The following PRUNE2 variants were observed in gnomAD, a reference collection of about 807,000 sequenced individuals.
PRUNE2 encodes protein prune homolog 2.
Under a neutral mutation model 252.0 loss-of-function variants are expected in PRUNE2, and 164 were observed. That is an observed-to-expected ratio of 0.65 (90% CI 0.57 to 0.74). The LOEUF is 0.74. Ranked by LOEUF, PRUNE2 falls within the 30% of genes least tolerant of loss-of-function variation. The pLI is 0.00. For missense variants in PRUNE2, 3,495 were observed against 3,711.0 expected, an observed-to-expected ratio of 0.94 and a Z score of 1.51; for synonymous variants, 1,292 against 1,350.2, an observed-to-expected ratio of 0.96 and a Z score of 0.94.
At chr9:76,654,915 A>G (rs1007364974) in intron 10 of PRUNE2, among the ~76,000 whole-genome samples, 2 of 152,184 alleles carry the variant, frequency 1.3e-5, no homozygotes, top group Admixed American at 6.5e-5. Context: ...ACCCTGGAAT[A>G]CAGTGAGAGT....
chr9:76,627,921 C>A, intron 16 of PRUNE2: 1 of 339,174 alleles, frequency 2.9e-6, no homozygotes, highest in Non-Finnish European at 5.9e-6. Context: ...ACACACATTA[C>A]ATGAGAATTC....
At chr9:76,694,413 C>T (rs1355660432) in intron 9 of PRUNE2, among the ~76,000 whole-genome samples, 1 of 152,146 alleles carries the variant, frequency 6.6e-6, no homozygotes, top group Non-Finnish European at 1.5e-5. Flanking sequence ...GAACTCCTGG[C>T]CTCAGGTGAT....
intron 9 of PRUNE2, chr9:76,692,115 G>A (rs1317852915): frequency 2.8e-6 from 2 of 717,480 alleles, no homozygotes; most frequent in East Asian, 2.7e-5. Context: ...AGGGTGAGAA[G>A]GATGCACGAC....
chr9:76,783,159 C>T (rs1418946972), intron 6 of PRUNE2, among the ~76,000 whole-genome samples: 1 of 152,082 alleles, frequency 6.6e-6, no homozygotes, highest in Non-Finnish European at 1.5e-5. Context: ...TTTTTGGAAA[C>T]AGAGTTCCAC....
chr9:76,702,057 T>C (rs1029256144), intron 9 of PRUNE2, among the ~76,000 whole-genome samples: 4 of 151,900 alleles, frequency 2.6e-5, no homozygotes, highest in African/African-American at 4.8e-5. Flanking sequence ...AATATATCTT[T>C]TCTCGCTTTT....
At chr9:76,675,756 TC>T in intron 9 of PRUNE2, among the ~76,000 whole-genome samples, 1 of 125,362 alleles carries the variant, frequency 8.0e-6, no homozygotes, top group Non-Finnish European at 1.7e-5. Context: ...TGAGTTCATG[TC>T]CTTTGCAGGG....
chr9:76,799,288 C>T (rs2056369644), intron 6 of PRUNE2, among the ~76,000 whole-genome samples: 1 of 150,272 alleles, frequency 6.7e-6, no homozygotes, highest in Admixed American at 6.6e-5. Flanking sequence ...TTGCAGTGGG[C>T]CAAAATGGCA....
At position 76,709,492 on chromosome 9, in the gene PRUNE2, T is replaced by C. The variant is rs41289953; in HGVS notation, c.2782A>G (p.Lys928Glu). 70,325 of 1,613,896 alleles carry C rather than the reference T, an allele frequency of 0.044. 1,852 individuals are homozygous for C. Among genetic ancestry groups the C allele is most frequent in the Middle Eastern group, 0.052 (314 of 6,062 alleles). Residue 928 changes from lysine (K) to glutamate (E), a missense_variant, in exon 8 of 19, where the codon AAA (lysine) becomes GAA (glutamate). By Grantham distance (56) the Lys-to-Glu change is moderately conservative. Coordinates refer to ENST00000376718, the MANE Select transcript of PRUNE2 (RefSeq NM_015225.3). ...GGAACTAGGACATCTGACCCTCCTT[T>C]CTTCATATTCTCCTCAAAAAGGTTC... ...SWNLFEENMK[K>E]GGSDVLVPWE...
At chr9:76,823,429 G>A in intron 6 of PRUNE2, 2 of 522,500 alleles carry the variant, frequency 3.8e-6, no homozygotes, top group Non-Finnish European at 6.9e-6. Context: ...CATTCATCTT[G>A]AGAATCCAGG....
intron 6 of PRUNE2, among the ~76,000 whole-genome samples, chr9:76,777,083 C>A (rs907817379): frequency 6.6e-6 from 1 of 151,998 alleles, no homozygotes; most frequent in Non-Finnish European, 1.5e-5. Flanking sequence ...TTCTCCCCTG[C>A]CCCATAGCCC....
chr9:76,657,820 C>T (rs541406634), intron 9 of PRUNE2, among the ~76,000 whole-genome samples: 19 of 152,250 alleles, frequency 1.2e-4, no homozygotes, highest in Non-Finnish European at 1.8e-4. Flanking sequence ...GGGCATTAGT[C>T]CAGGTAAAAG....
At chr9:76,660,931 A>G (rs1205010575) in intron 9 of PRUNE2, among the ~76,000 whole-genome samples, 1 of 152,180 alleles carries the variant, frequency 6.6e-6, no homozygotes. Flanking sequence ...AAACCCTATA[A>G]ACTACACTTG....
intron 6 of PRUNE2, among the ~76,000 whole-genome samples, chr9:76,720,597 T>G (rs2135229221): frequency 6.6e-6 from 1 of 150,860 alleles, no homozygotes; most frequent in South Asian, 2.1e-4. Flanking sequence ...TTTCCTTTCC[T>G]GTTTTTTTAT....
At chr9:76,741,665 C>G (rs997793149) in intron 6 of PRUNE2, among the ~76,000 whole-genome samples, 1 of 152,200 alleles carries the variant, frequency 6.6e-6, no homozygotes, top group Non-Finnish European at 1.5e-5. Context: ...TATCAAAACA[C>G]CTCAGCTGAC....
At position 76,894,717 on chromosome 9, in the gene PRUNE2, CAA is replaced by C. The variant is rs113594017; in HGVS notation, c.36+11209_36+11210del. ...GCACCCTTTCATTAATTTTCTGCAGCAAAAAAAAAAAAAAAGGACCAGCCAGG... is the reference window on the plus strand; with the variant it reads ...GCACCCTTTCATTAATTTTCTGCAGCAAAAAAAAAAAAAGGACCAGCCAGG... On this transcript the variant is annotated intron_variant, in intron 1 of 18. Transcript: ENST00000376718. 1.6e-3 allele frequency among the ~76,000 whole-genome samples: 194 copies of C among 120,320 alleles called. 1 individual carries two copies. The highest frequency in any genetic ancestry group is 4.1e-3 in the Middle Eastern group (1 of 244). The allele number at this position is 120,320 out of a possible 152,430, so 78.9% of individuals were successfully genotyped here.
chr9:76,859,709 G>C (rs1334939834), intron 1 of PRUNE2, among the ~76,000 whole-genome samples: 1 of 151,898 alleles, frequency 6.6e-6, no homozygotes, highest in African/African-American at 2.4e-5. Flanking sequence ...TTGTTTGTTT[G>C]TTTGTTTGTT....
At chr9:76,747,797 CTT>C (rs553598262) in intron 6 of PRUNE2, among the ~76,000 whole-genome samples, 61 of 141,248 alleles carry the variant, frequency 4.3e-4, no homozygotes, top group Admixed American at 5.0e-4. Flanking sequence ...TTCTCCACTT[CTT>C]TTTTTTTTTT....
At chr9:76,886,379 AAGGCTCTC>A (rs2133390747) in intron 1 of PRUNE2, among the ~76,000 whole-genome samples, 1 of 152,278 alleles carries the variant, frequency 6.6e-6, no homozygotes, top group South Asian at 2.1e-4. Flanking sequence ...CTTTCACCTT[AAGGCTCTC>A]AGGCTCAGCT....
chr9:76,780,495 G>A (rs2054260148), intron 6 of PRUNE2, among the ~76,000 whole-genome samples: 1 of 151,966 alleles, frequency 6.6e-6, no homozygotes, highest in Admixed American at 6.6e-5. Flanking sequence ...AGACCATCCT[G>A]GCTAACACAG....
Sources: gnomAD v4.1 joint callset for allele counts (sites outside exome capture counted in the v4.1 genomes callset) on GRCh38, gnomAD v4.1.1 for gene constraint, MANE v1.5 for transcripts, NCBI Gene and HGNC (gene_info 2026-07-23, HGNC 2026-07-21) for gene names.